The following DRC7 variants were observed in gnomAD, a reference collection of about 807,000 sequenced individuals.
The protein encoded by DRC7 is dynein regulatory complex subunit 7, also known as coiled-coil domain containing 135.
Under a neutral mutation model 104.4 loss-of-function variants are expected in DRC7, and 80 were observed. The ratio of observed to expected loss-of-function variants is 0.77; its 90% CI spans 0.64 to 0.92. The LOEUF is 0.92. Ranked by LOEUF, DRC7 falls within the 40% of genes least tolerant of loss-of-function variation. The pLI, the probability that DRC7 is intolerant of heterozygous loss-of-function variation, is 0.00. For missense variants in DRC7, 1,034 were observed against 1,141.1 expected, an observed-to-expected ratio of 0.91 and a Z score of 1.35; for synonymous variants, 405 against 447.3, an observed-to-expected ratio of 0.91 and a Z score of 1.19.
chr16:57,700,561 C>T (rs557335180), intron 5 of DRC7, among the ~76,000 whole-genome samples: 14 of 150,716 alleles, frequency 9.3e-5, no homozygotes, highest in Middle Eastern at 3.4e-3. Context: ...GCAGGAGAAT[C>T]GCTTGAACCT....
In DRC7 at chr16:57,718,490, C is replaced by T. The variant is rs2048869091; in HGVS notation, c.1206+15C>T. 6 of 1,613,136 alleles carry T rather than the reference C, an allele frequency of 3.7e-6. No homozygotes were observed. Among genetic ancestry groups the T allele is most frequent in the Non-Finnish European group, 5.1e-6 (6 of 1,179,388 alleles). On this transcript the variant is annotated intron_variant, in intron 9 of 18. Coordinates refer to ENST00000360716, the MANE Select transcript of DRC7 (RefSeq NM_001289162.2). Reference sequence around the variant, plus strand: ...TGGAAAATCTGGTGAGTCTCAGCAGCTCGAGAGCCCAGGGAATGTGTGTGA... The same window carrying T: ...TGGAAAATCTGGTGAGTCTCAGCAGTTCGAGAGCCCAGGGAATGTGTGTGA...
At chr16:57,730,825 G>A in intron 17 of DRC7, 106 bp from the exon 18 acceptor site, 2 of 1,270,300 alleles carry the variant, frequency 1.6e-6, no homozygotes, top group Non-Finnish European at 2.2e-6. Flanking sequence ...GGGACACTGG[G>A]GCCAACCGTC....
chr16:57,729,100 G>A lies in DRC7; in HGVS notation c.2391+516G>A, dbSNP rs1375491294. ...TGGATGAGTGGGTAGGTGGATGGAT[G>A]AGTGGGTGGATGGATGAGTGGGTGG... On this transcript the variant is annotated intron_variant, in intron 17 of 18. Transcript: ENST00000360716. Among the ~76,000 whole-genome samples the A allele has an allele frequency of 4.0e-5, 6 of 150,666 alleles. No individual in the cohort carries two copies. The East Asian group carries it at 1.2e-3, about 30-fold the overall frequency.
At chr16:57,708,999 G>A (rs559789756) in intron 8 of DRC7, among the ~76,000 whole-genome samples, 1 of 151,932 alleles carries the variant, frequency 6.6e-6, no homozygotes, top group South Asian at 2.1e-4. Flanking sequence ...TGTGGTGGTG[G>A]GCACCTGTAA....
chr16:57,725,978 A>G, intron 13 of DRC7, 90 bp from the exon 14 acceptor site: 1 of 1,097,682 alleles, frequency 9.1e-7, no homozygotes, highest in Non-Finnish European at 1.3e-6. Flanking sequence ...AGTGTCCTGA[A>G]CGTTCGTTGC....
intron 1 of DRC7, among the ~76,000 whole-genome samples, chr16:57,696,085 T>C (rs2048590016): frequency 6.6e-6 from 1 of 152,184 alleles, no homozygotes; most frequent in African/African-American, 2.4e-5. Context: ...GTTTTCCTCA[T>C]CTCTGGACCC....
chr16:57,722,900 A>G lies in DRC7; in HGVS notation c.1408+59A>G, dbSNP rs184923994. The G allele has an allele frequency of 5.6e-5, 90 of 1,611,680 alleles. No homozygotes were observed. In the African/African-American group the frequency reaches 1.2e-3, roughly 21 times the overall value. ...CAGCCCAGGGGCGGGGGCGGCTTCTACTCTCTCTGGGGTCATTGCTGGCCT... is the reference window on the plus strand; with the variant it reads ...CAGCCCAGGGGCGGGGGCGGCTTCTGCTCTCTCTGGGGTCATTGCTGGCCT... On this transcript the variant is annotated intron_variant, in intron 11 of 18. Transcript: ENST00000360716.
intron 8 of DRC7, among the ~76,000 whole-genome samples, chr16:57,709,128 CA>C (rs10536559): frequency 0.23 from 24,773 of 107,464 alleles, 3,020 homozygotes; most frequent in African/African-American, 0.43. Flanking sequence ...GACTCTGTCT[CA>C]AAAAAAAAAA....
Position 57,726,220 on chromosome 16 carries a change from C to T in DRC7, c.1911C>T (p.Arg637=), listed in dbSNP as rs761377712. The T allele has an allele frequency of 6.2e-7, 1 of 1,613,160 alleles. No homozygotes were observed. The highest frequency in any genetic ancestry group is 8.5e-7 in the Non-Finnish European group (1 of 1,179,970). Reference sequence around the variant, plus strand: ...CCTCCAAGCGCGAGTTCCTGCGGCGCACCGAGGTGGACAGCAAAGGCAACA... The same window carrying T: ...CCTCCAAGCGCGAGTTCCTGCGGCGTACCGAGGTGGACAGCAAAGGCAACA... The part of the protein sequence containing the change: ...ITASKREFLR[R]TEVDSKGNKI... Residue 637 remains arginine, a synonymous_variant, in exon 14 of 19, where the codon CGC becomes CGT. Coordinates refer to ENST00000360716, the MANE Select transcript of DRC7 (RefSeq NM_001289162.2).
chr16:57,707,978 T>C, intron 8 of DRC7: 1 of 433,962 alleles, frequency 2.3e-6, no homozygotes, highest in South Asian at 2.2e-5. Flanking sequence ...ATCCCATGCA[T>C]ACATACAGTT....
At chr16:57,703,200 CAAAAAAAAAAAAAAAA>C (rs71152293) in intron 6 of DRC7, among the ~76,000 whole-genome samples, 1 of 62,926 alleles carries the variant, frequency 1.6e-5, no homozygotes, top group African/African-American at 5.5e-5. Context: ...TTTTTAATAG[CAAAAAAAAAAAAAAAA>C]AAAAAAAAAA....
intron 13 of DRC7, among the ~76,000 whole-genome samples, chr16:57,725,266 A>G (rs1448835193): frequency 6.6e-6 from 1 of 152,054 alleles, no homozygotes; most frequent in Non-Finnish European, 1.5e-5. Flanking sequence ...TCGTGGGAGA[A>G]CTCACTCACT....
At chr16:57,702,228 C>T in intron 6 of DRC7, 98 bp downstream of exon 6, 1 of 1,254,794 alleles carries the variant, frequency 8.0e-7, no homozygotes, top group Non-Finnish European at 1.1e-6. Flanking sequence ...CGCCTCATCC[C>T]CAGCCCTGGC....
At chr16:57,699,231 G>A (rs1489122785) in intron 4 of DRC7, among the ~76,000 whole-genome samples, 3 of 152,226 alleles carry the variant, frequency 2.0e-5, no homozygotes, top group African/African-American at 7.2e-5. Context: ...GGCGGTGGTG[G>A]TCTGGAGACC....
chr16:57,723,899 G>GA (rs1277877363), intron 12 of DRC7, among the ~76,000 whole-genome samples: 5 of 151,866 alleles, frequency 3.3e-5, no homozygotes, highest in Non-Finnish European at 5.9e-5. Context: ...TGGCAAAGAT[G>GA]AAAAAAATGG....
rs1329064271 is a variant in DRC7 at position 57,730,949 on chromosome 16, A to G, written c.2410A>G (p.Lys804Glu). 1 of 1,613,216 alleles carries G rather than the reference A, an allele frequency of 6.2e-7. No homozygotes were observed. Among genetic ancestry groups the G allele is most frequent in the Non-Finnish European group, 8.5e-7 (1 of 1,179,914 alleles). ...ACCACAGGAGACCCAGGAGCTGCAA[A>G]AGAAGCAGCAGTGGTACCAGGAGAA... ...RFEKETQELQ[K>E]KQQWYQENQV... The change falls in exon 18 of 19, where the codon AAG becomes GAG. Residue 804 changes from lysine (K) to glutamate (E), a missense_variant. Transcript: ENST00000360716.
Position 57,728,552 on chromosome 16 carries a change from A to C in DRC7, c.2359A>C (p.Lys787Gln), listed in dbSNP as rs774920292. Residue 787 changes from lysine to glutamine, a missense_variant, in exon 17 of 19, where the codon AAG becomes CAG. By Grantham distance (53) the Lys-to-Gln change is moderately conservative. Transcript: ENST00000360716. Reference sequence around the variant, plus strand: ...CGACTTCAAGCAGCGGCTCATCAACAAGGCCAACCTCATCCAGGCCCGCTT... The same window carrying C: ...CGACTTCAAGCAGCGGCTCATCAACCAGGCCAACCTCATCCAGGCCCGCTT... ...LSDFKQRLIN[K>Q]ANLIQARFEK... is the part of the protein sequence containing the mutation. 3 of 1,609,426 alleles carry C rather than the reference A, an allele frequency of 1.9e-6. No individual in the cohort carries two copies. The highest frequency in any genetic ancestry group is 2.5e-6 in the Non-Finnish European group (3 of 1,178,230).
rs569130446 is a variant in DRC7 at position 57,700,297 on chromosome 16, C to T, written c.504+27C>T. On this transcript the variant is annotated intron_variant, in intron 5 of 18. Transcript: ENST00000360716. Reference sequence around the variant, plus strand: ...TAAGCACCACTCACAGGCTGCATGCCTGAGCCCACCAGGACTAAGATGGTG... The same window carrying T: ...TAAGCACCACTCACAGGCTGCATGCTTGAGCCCACCAGGACTAAGATGGTG... The T allele has an allele frequency of 2.5e-6, 4 of 1,603,122 alleles. No homozygotes were observed. In the South Asian group the frequency reaches 4.4e-5, roughly 18 times the overall value.
chr16:57,725,941 G>A, intron 13 of DRC7, 127 bp from the exon 14 acceptor site: 3 of 769,130 alleles, frequency 3.9e-6, no homozygotes, highest in East Asian at 5.4e-5. Flanking sequence ...GCTATTCCAC[G>A]TGAATCGCCA....
Sources: allele counts gnomAD v4.1 joint callset (sites outside exome capture counted in the v4.1 genomes callset), GRCh38; gene constraint gnomAD v4.1.1; transcripts MANE v1.5; gene names NCBI Gene and HGNC (gene_info 2026-07-23, HGNC 2026-07-21).